Variants in DNAI4 observed in about 807,000 individuals in gnomAD.
The protein encoded by DNAI4 is WD repeat domain 78.
In DNAI4, 85 loss-of-function variants were observed where a neutral mutation model predicts 105.8. The ratio of observed to expected loss-of-function variants is 0.80; its 90% CI spans 0.67 to 0.96. The LOEUF (loss-of-function observed/expected upper bound fraction) is 0.96. DNAI4 is among the 40% of genes least tolerant of loss of function. The pLI, the probability that DNAI4 is intolerant of heterozygous loss-of-function variation, is 0.00. For synonymous variants in DNAI4, 352 were observed against 331.5 expected (o/e 1.06, Z -0.67); for missense variants, 1,014 against 1,005.6 (o/e 1.01, Z -0.11).
At chr1:66,835,850 G>T (rs1376516298) in intron 10 of DNAI4, 73 bp from the exon 11 acceptor site, 2 of 1,428,086 alleles carry the variant, frequency 1.4e-6, no homozygotes, top group Admixed American at 1.7e-5. Flanking sequence ...TGGTGGCTGA[G>T]ATTTAGTTTG....
intron 9 of DNAI4, 40 bp downstream of exon 9, chr1:66,840,429 A>G: frequency 6.4e-7 from 1 of 1,557,000 alleles, no homozygotes; most frequent in Non-Finnish European, 8.9e-7. Context: ...ATTTCCCTTC[A>G]ATGCTAGAAA....
At chr1:66,907,596 C>G (rs1649358100) in intron 1 of DNAI4, among the ~76,000 whole-genome samples, 1 of 152,200 alleles carries the variant, frequency 6.6e-6, no homozygotes, top group Non-Finnish European at 1.5e-5. Context: ...CACAAGTACT[C>G]TACTTTCTTA....
chr1:66,918,295 T>TA (rs1250016493), intron 1 of DNAI4, among the ~76,000 whole-genome samples: 1 of 152,250 alleles, frequency 6.6e-6, no homozygotes, highest in African/African-American at 2.4e-5. Flanking sequence ...GACCTGTTGT[T>TA]AGATTCTAGT....
chr1:66,835,323 A>C (rs1166342741), intron 11 of DNAI4, among the ~76,000 whole-genome samples: 4 of 152,204 alleles, frequency 2.6e-5, no homozygotes, highest in Non-Finnish European at 5.9e-5. Context: ...TATAGGTTGC[A>C]CAAAAGAAAG....
chr1:66,914,862 TAAATC>T lies in DNAI4; in HGVS notation c.171-9492_171-9488del, dbSNP rs564254398. Among the ~76,000 whole-genome samples, 560 of 152,342 alleles carry T rather than the reference TAAATC, an allele frequency of 3.7e-3. 3 individuals carry two copies. Among genetic ancestry groups the T allele is most frequent in the African/African-American group, 0.012 (516 of 41,574 alleles). On this transcript the variant is annotated intron_variant, in intron 1 of 16. Transcript: ENST00000371026. ...TAATTGGCTTAAAAATAAAAGCACT[TAAATC>T]AGGTACTAAAAAGGAAAAGACTAGT...
intron 1 of DNAI4, among the ~76,000 whole-genome samples, chr1:66,910,931 G>C (rs1649611361): frequency 6.6e-6 from 1 of 152,142 alleles, no homozygotes; most frequent in Non-Finnish European, 1.5e-5. Context: ...CAAATGCGTA[G>C]GGTTTCTCCC....
At chr1:66,908,310 A>G (rs185189938) in intron 1 of DNAI4, among the ~76,000 whole-genome samples, 444 of 152,286 alleles carry the variant, frequency 2.9e-3, no homozygotes, top group Non-Finnish European at 5.1e-3. Context: ...CTTTACTAAG[A>G]GGAGTCCTCC....
intron 1 of DNAI4, among the ~76,000 whole-genome samples, chr1:66,911,988 TG>T (rs2100862947): frequency 1.3e-5 from 2 of 152,296 alleles, no homozygotes; most frequent in Admixed American, 1.3e-4. Context: ...ATTATATGCC[TG>T]TATCACCACA....
At chr1:66,852,091 C>T (rs150675356) in intron 7 of DNAI4, among the ~76,000 whole-genome samples, 342 of 151,952 alleles carry the variant, frequency 2.3e-3, no homozygotes, top group Non-Finnish European at 3.7e-3. Flanking sequence ...ATCCTACAGA[C>T]GTCAAAGTGA....
intron 4 of DNAI4, among the ~76,000 whole-genome samples, chr1:66,883,373 G>A (rs577005847): frequency 1.3e-5 from 2 of 152,078 alleles, no homozygotes; most frequent in Admixed American, 6.5e-5. Context: ...CACCTCCTGG[G>A]TTCAAGTGAC....
intron 7 of DNAI4, among the ~76,000 whole-genome samples, chr1:66,858,258 G>C (rs886176403): frequency 6.6e-6 from 1 of 151,852 alleles, no homozygotes; most frequent in African/African-American, 2.4e-5. Flanking sequence ...GGCCGGGCGC[G>C]GTGGCTCACG....
intron 16 of DNAI4, among the ~76,000 whole-genome samples, chr1:66,815,812 C>T (rs1645502854): frequency 6.6e-6 from 1 of 152,210 alleles, no homozygotes; most frequent in Non-Finnish European, 1.5e-5. Flanking sequence ...CAACAGTTAG[C>T]TACATCATAA....
rs1645915367 is a variant in DNAI4 at position 66,833,592 on chromosome 1, T to A, written c.2006A>T (p.His669Leu). The change falls in exon 13 of 17, where the codon CAT (histidine) becomes CTT (leucine). Residue 669 changes from histidine (H) to leucine (L), a missense_variant. Physicochemically the swap from His to Leu is moderately conservative, Grantham distance 99. Coordinates refer to ENST00000371026, the MANE Select transcript of DNAI4 (RefSeq NM_024763.5). ...RQAPGMCFAFHPKDTNIYLAG... is the reference protein window; with the variant it reads ...RQAPGMCFAFLPKDTNIYLAG... ...AAGAGTGAAATAATTTACCTTGGGA[T>A]GAAAAGCAAAACACATTCCAGGAGC... 1 of 1,612,572 alleles carries A rather than the reference T, an allele frequency of 6.2e-7. No individual in the cohort carries two copies. Among genetic ancestry groups the A allele is most frequent in the South Asian group, 1.1e-5 (1 of 90,958 alleles).
At position 66,828,027 on chromosome 1, in the gene DNAI4, C is replaced by T. The variant is rs1645791457; in HGVS notation, c.2014-117G>A. ...AATTCAAGAACCCAAAATAAAAACA[C>T]TATCTTGAATATACCAATCTTGTCT... On this transcript the variant is annotated intron_variant, in intron 13 of 16. Coordinates refer to ENST00000371026, the MANE Select transcript of DNAI4 (RefSeq NM_024763.5). The T allele has an allele frequency of 6.4e-6, 4 of 626,272 alleles. No individual in the cohort carries two copies. In the South Asian group the frequency reaches 7.3e-5, roughly 11 times the overall value. The allele number at this position is 626,272 out of a possible 1,614,324, so 38.8% of individuals were successfully genotyped here.
At chr1:66,859,512 G>C (rs1480148943) in intron 7 of DNAI4, among the ~76,000 whole-genome samples, 1 of 152,084 alleles carries the variant, frequency 6.6e-6, no homozygotes, top group African/African-American at 2.4e-5. Flanking sequence ...GTTTATAACC[G>C]TTTTATTCGA....
chr1:66,906,924 T>C (rs948778120), intron 1 of DNAI4: 6 of 152,176 alleles, frequency 3.9e-5, no homozygotes, highest in African/African-American at 1.4e-4. Flanking sequence ...GACTAACCTT[T>C]TATGTGAACT....
At chr1:66,898,114 T>A (rs544701958) in intron 2 of DNAI4, among the ~76,000 whole-genome samples, 17 of 152,330 alleles carry the variant, frequency 1.1e-4, no homozygotes, top group Admixed American at 4.6e-4. Context: ...CTTTAAAGTT[T>A]AATGTTTGCT....
intron 3 of DNAI4, among the ~76,000 whole-genome samples, chr1:66,892,965 GAAA>G (rs1647820679): frequency 8.2e-6 from 1 of 122,516 alleles, no homozygotes; most frequent in Admixed American, 8.0e-5. Flanking sequence ...AAGAAAGAAA[GAAA>G]GAAAGAAAGA....
chr1:66,876,835 G>A (rs1456059850), intron 4 of DNAI4, among the ~76,000 whole-genome samples: 1 of 152,026 alleles, frequency 6.6e-6, no homozygotes, highest in South Asian at 2.1e-4. Flanking sequence ...ACTCCTAAAG[G>A]TTCTTCCCAG....
Sources: gnomAD v4.1 joint callset for allele counts (sites outside exome capture counted in the v4.1 genomes callset) on GRCh38, gnomAD v4.1.1 for gene constraint, MANE v1.5 for transcripts, NCBI Gene and HGNC (gene_info 2026-07-23, HGNC 2026-07-21) for gene names.